NCS1: variants seen among roughly 807,000 people sequenced by gnomAD.
The protein encoded by NCS1 is frequenin homolog.
NCS1 carries 6 observed loss-of-function variants against 28.4 expected under a neutral mutation model. That is an observed-to-expected ratio of 0.21 (90% CI 0.12 to 0.42). The LOEUF is 0.42. Ranked by LOEUF, NCS1 falls within the 10% of genes least tolerant of loss-of-function variation. NCS1 has a pLI of 1.00. For synonymous variants in NCS1, 86 were observed against 99.3 expected, an observed-to-expected ratio of 0.87 and a Z score of 0.79; for missense variants, 131 against 241.4, an observed-to-expected ratio of 0.54 and a Z score of 3.03.
chr9:130,202,727 G>T (rs1832970242), intron 2 of NCS1, among the ~76,000 whole-genome samples: 1 of 152,002 alleles, frequency 6.6e-6, no homozygotes, highest in South Asian at 2.1e-4. Context: ...CTACAGGTGT[G>T]TGCCACCATG....
Position 130,209,767 on chromosome 9 carries a change from G to A in NCS1, c.90-8065G>A, listed in dbSNP as rs1156826065. ...TGCCCTTTTAAAGAAGTGTAAGAACGCCGTTGTTGAATCTAGGATTTTCTT... is the reference window on the plus strand; with the variant it reads ...TGCCCTTTTAAAGAAGTGTAAGAACACCGTTGTTGAATCTAGGATTTTCTT... On this transcript the variant is annotated intron_variant, in intron 2 of 7. Coordinates refer to ENST00000372398, the MANE Select transcript of NCS1 (RefSeq NM_014286.4). The surrounding 1 kb of genome is among the most constrained non-coding windows in gnomAD (Gnocchi z 4.4). 3.9e-5 allele frequency among the ~76,000 whole-genome samples: 6 copies of A among 152,272 alleles called. No individual in the cohort carries two copies. Among genetic ancestry groups the A allele is most frequent in the East Asian group, 3.9e-4 (2 of 5,178 alleles).
rs1482481364 is a variant in NCS1 at position 130,236,382 on chromosome 9, TC to T, written c.*3412del. On this transcript the variant is annotated 3_prime_UTR_variant, in exon 8 of 8. Transcript: ENST00000372398. ...GGCTGCAACCCCACCGGACGGGTGG[TC>T]CGGAGGGAGGCTGGAGCGGGGAGGC... The T allele has an allele frequency of 1.3e-5, 2 of 151,936 alleles. No individual in the cohort carries two copies. The highest frequency in any genetic ancestry group is 1.5e-5 in the Non-Finnish European group (1 of 67,988). 9.4% of individuals were successfully genotyped at this position (151,936 alleles called of 1,614,324 possible).
intron 2 of NCS1, 98 bp downstream of exon 2, chr9:130,201,080 G>C (rs1832941499): frequency 1.3e-6 from 2 of 1,543,780 alleles, no homozygotes; most frequent in East Asian, 4.5e-5. Context: ...CTCAGGATGG[G>C]GGCATGTGGA....
In NCS1 at chr9:130,236,364, A is replaced by AC. The variant is rs530053797; in HGVS notation, c.*3396dup. ...GCCGCCAACGCACCTGGGGGCTGCAACCCCACCGGACGGGTGGTCCGGAGG... is the reference window on the plus strand; with the variant it reads ...GCCGCCAACGCACCTGGGGGCTGCAACCCCCACCGGACGGGTGGTCCGGAGG... On this transcript the variant is annotated 3_prime_UTR_variant, in exon 8 of 8. Coordinates refer to ENST00000372398, the MANE Select transcript of NCS1 (RefSeq NM_014286.4). The AC allele has an allele frequency of 6.6e-6, 1 of 151,922 alleles. No individual in the cohort carries two copies. Among genetic ancestry groups the AC allele is most frequent in the Admixed American group, 6.5e-5 (1 of 15,272 alleles). 9.4% of individuals were successfully genotyped at this position (151,922 alleles called of 1,614,324 possible).
At chr9:130,196,599 C>T (rs569692262) in intron 1 of NCS1, among the ~76,000 whole-genome samples, 2 of 152,282 alleles carry the variant, frequency 1.3e-5, no homozygotes, top group South Asian at 2.1e-4. Flanking sequence ...ATTAGCCAGG[C>T]GTGGTAGCAG....
Position 130,209,601 on chromosome 9 carries a change from A to G in NCS1, c.90-8231A>G, listed in dbSNP as rs1833083332. Among the ~76,000 whole-genome samples the G allele has an allele frequency of 6.6e-6, 1 of 152,100 alleles. No individual in the cohort carries two copies. The highest frequency in any genetic ancestry group is 6.5e-5 in the Admixed American group (1 of 15,276). ...GGTGCTTGGAGTCTCCTGGTGGACG[A>G]GGGCATTCACCCAGCCTGGCGCCGT... On this transcript the variant is annotated intron_variant, in intron 2 of 7. Coordinates refer to ENST00000372398, the MANE Select transcript of NCS1 (RefSeq NM_014286.4). This position sits in a 1 kb window ranked among gnomAD's most constrained non-coding sequence, Gnocchi z 4.4.
In NCS1 at chr9:130,191,043, C is replaced by T. The variant is rs889193557; in HGVS notation, c.65-9915C>T. Among the ~76,000 whole-genome samples the T allele has an allele frequency of 3.3e-5, 5 of 152,188 alleles. No homozygotes were observed. Among genetic ancestry groups the T allele is most frequent in the African/African-American group, 7.2e-5 (3 of 41,456 alleles). The stretch of plus-strand genomic sequence containing the variant: ...CCCTCTGACTTTTATTCAGACACCA[C>T]GACTCCTCATCGGCACAGCATCTCC... On this transcript the variant is annotated intron_variant, in intron 1 of 7. Coordinates refer to ENST00000372398, the MANE Select transcript of NCS1 (RefSeq NM_014286.4). This position sits in a 1 kb window ranked among gnomAD's most constrained non-coding sequence, Gnocchi z 6.4.
At chr9:130,184,017 A>G (rs1832707069) in intron 1 of NCS1, among the ~76,000 whole-genome samples, 1 of 151,888 alleles carries the variant, frequency 6.6e-6, no homozygotes, top group Non-Finnish European at 1.5e-5. Flanking sequence ...TCACTATGTT[A>G]GCCAGGATGG....
At position 130,184,906 on chromosome 9, in the gene NCS1, G is replaced by A. The variant is rs531725849; in HGVS notation, c.64+12179G>A. On this transcript the variant is annotated intron_variant, in intron 1 of 7. Coordinates refer to ENST00000372398, the MANE Select transcript of NCS1 (RefSeq NM_014286.4). ...CAGCCTCCCAAAGTGCTGGGATTCCGTGAGCTGAGATTGCGCCACTGCAGT... is the reference window on the plus strand; with the variant it reads ...CAGCCTCCCAAAGTGCTGGGATTCCATGAGCTGAGATTGCGCCACTGCAGT... Among the ~76,000 whole-genome samples, 8 of 151,528 alleles carry A rather than the reference G, an allele frequency of 5.3e-5. No homozygotes were observed. The South Asian group carries it at 1.5e-3, about 28-fold the overall frequency.
intron 1 of NCS1, among the ~76,000 whole-genome samples, chr9:130,188,444 C>T (rs1470515129): frequency 3.5e-5 from 5 of 142,732 alleles, no homozygotes; most frequent in South Asian, 2.2e-4. Flanking sequence ...TTTTTTGAGA[C>T]GGGGTTTCGC....
chr9:130,236,302 A>G lies in NCS1; in HGVS notation c.*3330A>G, dbSNP rs1242909453. 1.3e-5 allele frequency: 2 copies of G among 151,974 alleles called. No homozygotes were observed. The highest frequency in any genetic ancestry group is 2.9e-5 in the Non-Finnish European group (2 of 67,994). The allele number at this position is 151,974 out of a possible 1,614,324, so 9.4% of individuals were successfully genotyped here. A position where few individuals can be genotyped will look rare whatever the true frequency, so the allele number is the denominator to read the frequency against. On this transcript the variant is annotated 3_prime_UTR_variant, in exon 8 of 8. Coordinates refer to ENST00000372398, the MANE Select transcript of NCS1 (RefSeq NM_014286.4). ...CGGTTTCAGCATTTAATTTTAAGGG[A>G]GCTAAGGAAGCGCGGCGCGCCCCCT...
Position 130,177,906 on chromosome 9 carries a change from C to T in NCS1, c.64+5179C>T, listed in dbSNP as rs530951979. Among the ~76,000 whole-genome samples, 4 of 152,372 alleles carry T rather than the reference C, an allele frequency of 2.6e-5. No individual in the cohort carries two copies. The highest frequency in any genetic ancestry group is 7.2e-5 in the African/African-American group (3 of 41,588). ...CCCCTTCCTTGGGCAAACCTCCTCT[C>T]ACCGGCTTCACTTTCCGCCTCTGGA... On this transcript the variant is annotated intron_variant, in intron 1 of 7. Transcript: ENST00000372398. This position sits in a 1 kb window ranked among gnomAD's most constrained non-coding sequence, Gnocchi z 4.4.
chr9:130,196,348 C>T (rs782738207), intron 1 of NCS1, among the ~76,000 whole-genome samples: 2 of 152,260 alleles, frequency 1.3e-5, no homozygotes, highest in Non-Finnish European at 2.9e-5. Context: ...TCTGCTGCAT[C>T]TGTCCCCTCT....
rs1469679116 is a variant in NCS1 at position 130,175,130 on chromosome 9, C to T, written c.64+2403C>T. Reference sequence around the variant, plus strand: ...TCATTGGCCTCCTGTCTGCCTCCCGCGCTGACGTCAGCTCCCTAGTGCAGG... The same window carrying T: ...TCATTGGCCTCCTGTCTGCCTCCCGTGCTGACGTCAGCTCCCTAGTGCAGG... On this transcript the variant is annotated intron_variant, in intron 1 of 7. Transcript: ENST00000372398. This position sits in a 1 kb window ranked among gnomAD's most constrained non-coding sequence, Gnocchi z 4.9. Among the ~76,000 whole-genome samples the T allele has an allele frequency of 1.3e-5, 2 of 152,122 alleles. No homozygotes were observed. The highest frequency in any genetic ancestry group is 4.8e-5 in the African/African-American group (2 of 41,426).
intron 6 of NCS1, among the ~76,000 whole-genome samples, chr9:130,223,969 C>T (rs949398059): frequency 2.0e-5 from 3 of 151,916 alleles, no homozygotes; most frequent in Admixed American, 1.3e-4. Flanking sequence ...GCCTCAGCCT[C>T]CCGAGTAGCT....
chr9:130,173,274 G>A (rs1447595657), intron 1 of NCS1, among the ~76,000 whole-genome samples: 1 of 151,968 alleles, frequency 6.6e-6, no homozygotes, highest in Non-Finnish European at 1.5e-5. Context: ...GGCACCCTGT[G>A]GGTTGCAGCA....
In NCS1 at chr9:130,175,957, G is replaced by A. The variant is rs571663925; in HGVS notation, c.64+3230G>A. On this transcript the variant is annotated intron_variant, in intron 1 of 7. Transcript: ENST00000372398. This position sits in a 1 kb window ranked among gnomAD's most constrained non-coding sequence, Gnocchi z 4.9. ...GTGTGTCCCGGCTGTGGGATGGGCC[G>A]GTCCCCTCACCTACCTGAGCCTCAG... 1.6e-4 allele frequency among the ~76,000 whole-genome samples: 24 copies of A among 152,126 alleles called. No homozygotes were observed. Among genetic ancestry groups the A allele is most frequent in the Non-Finnish European group, 3.2e-4 (22 of 68,038 alleles).
intron 1 of NCS1, among the ~76,000 whole-genome samples, chr9:130,194,121 G>C (rs1300750038): frequency 1.3e-5 from 2 of 152,192 alleles, no homozygotes; most frequent in Non-Finnish European, 2.9e-5. Flanking sequence ...GCGCCGGGAG[G>C]GGGCTGCCAG....
intron 5 of NCS1, 94 bp downstream of exon 5, chr9:130,222,832 T>C (rs3829905): frequency 0.61 from 810,380 of 1,319,326 alleles, 253,242 homozygotes; most frequent in East Asian, 0.82. Flanking sequence ...GCCATGCTCC[T>C]GCCCAGGGTG....
Sources: allele counts gnomAD v4.1 joint callset (sites outside exome capture counted in the v4.1 genomes callset), GRCh38; gene constraint gnomAD v4.1.1; non-coding constraint Gnocchi (gnomAD v3.1); transcripts MANE v1.5; gene names NCBI Gene and HGNC (gene_info 2026-07-23, HGNC 2026-07-21).